SULF2: variants seen among roughly 807,000 people sequenced by gnomAD.
The protein encoded by SULF2 is sulfatase 2.
In SULF2, 52 loss-of-function variants were observed where a neutral mutation model predicts 107.7. That is an observed-to-expected ratio of 0.48 (90% CI 0.39 to 0.61). SULF2 has a LOEUF of 0.61. SULF2 is among the 20% of genes least tolerant of loss of function. The pLI is 0.00. For missense variants in SULF2, 993 were observed against 1,177.3 expected (o/e 0.84, Z 2.29); for synonymous variants, 460 against 464.3 (o/e 0.99, Z 0.12).
rs201472545 is a variant in SULF2, at chr20:47,749,009, GTT to G, written c.175+8178_175+8179del. On this transcript the variant is annotated intron_variant, in intron 2 of 20. Coordinates refer to ENST00000688720, the MANE Select transcript of SULF2 (RefSeq NM_001387048.1). ...CGTGTTGCATGTGACTTCTGAAGTGGTTTTTTTTTTTTTCTTTTTCCTGCCCT... is the reference window on the plus strand; with the variant it reads ...CGTGTTGCATGTGACTTCTGAAGTGGTTTTTTTTTTTCTTTTTCCTGCCCT... 5.3e-4 allele frequency among the ~76,000 whole-genome samples: 77 copies of G among 146,302 alleles called. 1 individual carries two copies. The highest frequency in any genetic ancestry group is 1.8e-3 in the African/African-American group (73 of 40,232).
Position 47,657,629 on chromosome 20 carries a change from T to G in SULF2, c.*733A>C, listed in dbSNP as rs987951858. The G allele has an allele frequency of 1.3e-5, 2 of 152,132 alleles. No individual in the cohort carries two copies. Among genetic ancestry groups the G allele is most frequent in the African/African-American group, 2.4e-5 (1 of 41,418 alleles). The allele number at this position is 152,132 out of a possible 1,614,324, so 9.4% of individuals were successfully genotyped here. A position where few individuals can be genotyped will look rare whatever the true frequency, so the allele number is the denominator to read the frequency against. On this transcript the variant is annotated 3_prime_UTR_variant, in exon 21 of 21. Transcript: ENST00000688720. ...AACAAAGAAATACTAGGAGAAATGG[T>G]ATCTGGACAGGAACAGAAATGTCCA...
At chr20:47,663,288 G>T in intron 16 of SULF2, 76 bp from the exon 17 acceptor site, 1 of 1,599,600 alleles carries the variant, frequency 6.3e-7, no homozygotes, top group Non-Finnish European at 8.5e-7. Context: ...TCCTGTCAGG[G>T]ACAGCCCCTA....
intron 2 of SULF2, among the ~76,000 whole-genome samples, chr20:47,745,604 T>C (rs768675656): frequency 1.4e-4 from 21 of 151,566 alleles, no homozygotes; most frequent in Admixed American, 6.6e-5. Flanking sequence ...TCTCGGTTCA[T>C]TGCAACCTCT....
At chr20:47,722,897 C>T (rs1283305280) in intron 3 of SULF2, among the ~76,000 whole-genome samples, 1 of 152,124 alleles carries the variant, frequency 6.6e-6, no homozygotes, top group Non-Finnish European at 1.5e-5. Context: ...GAAACCCCAT[C>T]TCTACCAAAA....
chr20:47,708,948 T>C (rs1290212424), intron 3 of SULF2, among the ~76,000 whole-genome samples: 2 of 152,212 alleles, frequency 1.3e-5, no homozygotes, highest in Non-Finnish European at 2.9e-5. Context: ...GGGTGTATTA[T>C]TCAGTCTCCA....
At position 47,676,531 on chromosome 20, in the gene SULF2, C is replaced by A; in HGVS notation, c.1343G>T (p.Arg448Leu). The change falls in exon 10 of 21, where the codon CGT (arginine) becomes CTT (leucine). Residue 448 changes from arginine to leucine, a missense_variant. Physicochemically the swap from Arg to Leu is moderately radical, Grantham distance 102. Transcript: ENST00000688720. ...CTCACACGCCGTCTGGTACTCAGCACGCTGACACAGGTCCTTCACACGCTG... is the reference window on the plus strand; with the variant it reads ...CTCACACGCCGTCTGGTACTCAGCAAGCTGACACAGGTCCTTCACACGCTG... ...KYQRVKDLCQ[R>L]AEYQTACEQL... 6.2e-7 allele frequency: 1 copy of A among 1,601,686 alleles called. No individual in the cohort carries two copies.
chr20:47,687,792 C>T (rs987802501), intron 5 of SULF2, among the ~76,000 whole-genome samples: 1 of 151,794 alleles, frequency 6.6e-6, no homozygotes, highest in Non-Finnish European at 1.5e-5. Flanking sequence ...ACTGCAGCCT[C>T]GACCTCTTGG....
At chr20:47,698,255 C>T (rs1026434004) in intron 4 of SULF2, among the ~76,000 whole-genome samples, 1 of 152,224 alleles carries the variant, frequency 6.6e-6, no homozygotes, top group Admixed American at 6.5e-5. Context: ...TTATTTGGGG[C>T]TCTATTCCCA....
intron 2 of SULF2, among the ~76,000 whole-genome samples, chr20:47,744,861 G>A (rs577558306): frequency 7.9e-5 from 12 of 152,262 alleles, no homozygotes; most frequent in Non-Finnish European, 1.0e-4. Flanking sequence ...TCCAGGCCGC[G>A]TCCTTCTCCT....
chr20:47,770,067 T>TG (rs1388753065), intron 1 of SULF2, among the ~76,000 whole-genome samples: 8 of 140,522 alleles, frequency 5.7e-5, no homozygotes, highest in Non-Finnish European at 1.1e-4. Context: ...TTTTTTTTTT[T>TG]TTTTTTTTTT....
chr20:47,784,113 C>A (rs2090878770), intron 1 of SULF2, among the ~76,000 whole-genome samples: 2 of 152,142 alleles, frequency 1.3e-5, no homozygotes, highest in African/African-American at 4.8e-5. Context: ...AAGCCCGTCT[C>A]TCCTGCTCCC....
intron 7 of SULF2, among the ~76,000 whole-genome samples, chr20:47,679,586 G>A (rs1228898865): frequency 6.6e-6 from 1 of 152,170 alleles, no homozygotes; most frequent in Admixed American, 6.5e-5. Context: ...AGTCTGGGAG[G>A]CAGACTGCAT....
At chr20:47,688,715 C>A (rs57836870) in intron 5 of SULF2, among the ~76,000 whole-genome samples, 1 of 152,216 alleles carries the variant, frequency 6.6e-6, no homozygotes, top group Admixed American at 6.5e-5. Context: ...AATGCTGCAG[C>A]CCCTGGGACG....
At chr20:47,665,331 A>G (rs371183191) in intron 13 of SULF2, 38 bp from the exon 14 acceptor site, 20 of 1,338,346 alleles carry the variant, frequency 1.5e-5, no homozygotes, top group Non-Finnish European at 2.2e-5. Context: ...TGAAACCTTC[A>G]AGGCTGGACA....
At chr20:47,729,907 C>A (rs746121362) in intron 3 of SULF2, among the ~76,000 whole-genome samples, 14 of 152,230 alleles carry the variant, frequency 9.2e-5, no homozygotes, top group Admixed American at 2.0e-4. Flanking sequence ...CTGAATGAAA[C>A]CGCTTTAGGG....
At chr20:47,720,755 C>T (rs1568856866) in intron 3 of SULF2, among the ~76,000 whole-genome samples, 1 of 152,088 alleles carries the variant, frequency 6.6e-6, no homozygotes, top group South Asian at 2.1e-4. Context: ...TTTGATCCTA[C>T]CCCTGACACC....
intron 10 of SULF2, among the ~76,000 whole-genome samples, chr20:47,674,856 G>A (rs1602612584): frequency 6.6e-6 from 1 of 152,102 alleles, no homozygotes. Flanking sequence ...GGGGAGTACC[G>A]GCTTGTGAGC....
chr20:47,769,505 T>C (rs2090588946), intron 1 of SULF2, among the ~76,000 whole-genome samples: 1 of 151,976 alleles, frequency 6.6e-6, no homozygotes, highest in African/African-American at 2.4e-5. Flanking sequence ...GCCTGGGTTT[T>C]TATTTTGTAG....
intron 1 of SULF2, among the ~76,000 whole-genome samples, chr20:47,779,899 G>A (rs558334813): frequency 1.3e-5 from 2 of 152,066 alleles, no homozygotes; most frequent in South Asian, 2.1e-4. Context: ...AAGCCACCGC[G>A]TCCAGACAGT....
Sources: gnomAD v4.1 joint callset for allele counts (sites outside exome capture counted in the v4.1 genomes callset) on GRCh38, gnomAD v4.1.1 for gene constraint, MANE v1.5 for transcripts, NCBI Gene and HGNC (gene_info 2026-07-23, HGNC 2026-07-21) for gene names.